ATP13A4: variants seen among roughly 807,000 people sequenced by gnomAD.
ATP13A4 encodes the protein ATPase 13A4, also known as probable cation-transporting ATPase 13A4.
In ATP13A4, 114 loss-of-function variants were observed where a neutral mutation model predicts 142.5. That is an observed-to-expected ratio of 0.80 (90% CI 0.69 to 0.93). The LOEUF (loss-of-function observed/expected upper bound fraction) is 0.93. Among genes scored for constraint, ATP13A4 ranks in the 40% least tolerant of loss-of-function variants. The probability of loss-of-function intolerance (pLI) is 0.00; values close to 1 mark genes in which losing one functional copy is unlikely to be tolerated. For synonymous variants in ATP13A4, 488 were observed against 514.8 expected, an observed-to-expected ratio of 0.95 and a Z score of 0.70; for missense variants, 1,392 against 1,454.0, an observed-to-expected ratio of 0.96 and a Z score of 0.69.
At chr3:193,449,746 TC>T (rs1717161149) in intron 17 of ATP13A4, among the ~76,000 whole-genome samples, 2 of 152,252 alleles carry the variant, frequency 1.3e-5, no homozygotes, top group Non-Finnish European at 2.9e-5. Context: ...GGTTGTAATT[TC>T]CCCATGATCT....
Position 193,464,975 on chromosome 3 carries a change from C to T in ATP13A4, c.1426G>A (p.Val476Ile), listed in dbSNP as rs759539336. The T allele has an allele frequency of 9.9e-6, 16 of 1,614,106 alleles. No homozygotes were observed. Among genetic ancestry groups the T allele is most frequent in the Middle Eastern group, 1.7e-4 (1 of 6,018 alleles). The change falls in exon 12 of 30, where the codon GTA (valine) becomes ATA (isoleucine). Residue 476 changes from valine to isoleucine, a missense_variant. Physicochemically the swap from Val to Ile is conservative, Grantham distance 29. Coordinates refer to ENST00000342695, the MANE Select transcript of ATP13A4 (RefSeq NM_032279.4). Reference sequence around the variant, plus strand: ...CAGACAAGGTTTAACTGTCCACATACGTTGATCCTCTGGGGGCTAATGCAG... The same window carrying T: ...CAGACAAGGTTTAACTGTCCACATATGTTGATCCTCTGGGGGCTAATGCAG... ...IFCISPQRIN[V>I]CGQLNLVCFD...
chr3:193,446,468 C>A (rs1716960751), intron 18 of ATP13A4, among the ~76,000 whole-genome samples: 1 of 152,128 alleles, frequency 6.6e-6, no homozygotes, highest in African/African-American at 2.4e-5. Context: ...CTAATCAATT[C>A]AAAACTTTTT....
At position 193,401,565 on chromosome 3, in the gene ATP13A4, A is replaced by G. The variant is rs1161243563; in HGVS notation, c.*1087T>C. Among the ~76,000 whole-genome samples, 2 of 152,196 alleles carry G rather than the reference A, an allele frequency of 1.3e-5. No individual in the cohort carries two copies. Among genetic ancestry groups the G allele is most frequent in the African/African-American group, 2.4e-5 (1 of 41,458 alleles). On this transcript the variant is annotated 3_prime_UTR_variant, in exon 30 of 30. Transcript: ENST00000342695. ...ATAGGATAAGTTACTGGGGTTAGGA[A>G]AAGTGGGCTGTAGTGGACAGCACTC...
chr3:193,568,415 G>T (rs1410466271), intron 2 of ATP13A4, among the ~76,000 whole-genome samples: 2 of 152,176 alleles, frequency 1.3e-5, no homozygotes, highest in Non-Finnish European at 2.9e-5. Flanking sequence ...TTCCACTTTA[G>T]CCATTATTTC....
chr3:193,475,023 C>T (rs1718886163), intron 8 of ATP13A4, among the ~76,000 whole-genome samples: 1 of 152,066 alleles, frequency 6.6e-6, no homozygotes, highest in South Asian at 2.1e-4. Flanking sequence ...TGCGAGGAAT[C>T]AGTCACTGAC....
chr3:193,433,282 C>T (rs910832645), intron 25 of ATP13A4, among the ~76,000 whole-genome samples: 2 of 152,084 alleles, frequency 1.3e-5, no homozygotes, highest in Non-Finnish European at 2.9e-5. Context: ...ATCTCTGTAC[C>T]TTCCTCTCAT....
chr3:193,572,428 G>A (rs1038437013), intron 2 of ATP13A4, among the ~76,000 whole-genome samples: 16 of 152,126 alleles, frequency 1.1e-4, no homozygotes, highest in Non-Finnish European at 2.2e-4. Flanking sequence ...CAGCAGTCTT[G>A]CCTTTGTTTA....
intron 27 of ATP13A4, 51 bp downstream of exon 27, chr3:193,412,127 G>C (rs540273132): frequency 6.7e-7 from 1 of 1,498,824 alleles, no homozygotes; most frequent in African/African-American, 1.4e-5. Context: ...GGACATGTCT[G>C]TTCCCCTCTC....
At chr3:193,524,783 A>G (rs1002561124) in intron 1 of ATP13A4, among the ~76,000 whole-genome samples, 10 of 152,218 alleles carry the variant, frequency 6.6e-5, no homozygotes, top group African/African-American at 1.4e-4. Context: ...AGTTATTCAA[A>G]TATAAGTTGT....
chr3:193,544,193 T>C (rs545648825), intron 1 of ATP13A4, among the ~76,000 whole-genome samples: 1 of 152,246 alleles, frequency 6.6e-6, no homozygotes, highest in Admixed American at 6.5e-5. Flanking sequence ...TACTTCTAAG[T>C]AAGAAACCAT....
chr3:193,512,750 G>A lies in ATP13A4; in HGVS notation c.234+1948C>T, dbSNP rs181288111. Reference sequence around the variant, plus strand: ...AGTACAGTGCAATGGAAAAGCCCTTGACTAGGAGCCAGGACTCATGGGACT... The same window carrying A: ...AGTACAGTGCAATGGAAAAGCCCTTAACTAGGAGCCAGGACTCATGGGACT... On this transcript the variant is annotated intron_variant, in intron 2 of 29. Transcript: ENST00000342695. Among the ~76,000 whole-genome samples, 149 of 152,276 alleles carry A rather than the reference G, an allele frequency of 9.8e-4. 1 individual carries two copies. The highest frequency in any genetic ancestry group is 4.0e-4 in the Non-Finnish European group (27 of 68,008).
At chr3:193,467,236 T>A in intron 10 of ATP13A4, 80 bp downstream of exon 10, 2 of 1,449,362 alleles carry the variant, frequency 1.4e-6, no homozygotes, top group Non-Finnish European at 1.9e-6. Flanking sequence ...ACAGCTTCTC[T>A]TTACCTAATA....
At chr3:193,464,764 T>C (rs1052113197) in intron 12 of ATP13A4, among the ~76,000 whole-genome samples, 176 bp downstream of exon 12, 1 of 152,154 alleles carries the variant, frequency 6.6e-6, no homozygotes, top group Non-Finnish European at 1.5e-5. Context: ...CCTCTAAACC[T>C]TGGACTCTGC....
chr3:193,520,566 G>C (rs1271756435), intron 1 of ATP13A4, among the ~76,000 whole-genome samples: 1 of 152,172 alleles, frequency 6.6e-6, no homozygotes, highest in Admixed American at 6.5e-5. Context: ...CCAAGGGCCT[G>C]CCCTGGAAGG....
rs67132373 is a variant in ATP13A4, at chr3:193,538,892, C to CTTTT, written c.60+15844_60+15847dup. ...ATTTTTCTTTCTTTCTTGGTTTTTT[C>CTTTT]TTTTTTTTTTTTTTTTTTTGAGATG... On this transcript the variant is annotated intron_variant, in intron 1 of 29. Coordinates refer to ENST00000342695, the MANE Select transcript of ATP13A4 (RefSeq NM_032279.4). Among the ~76,000 whole-genome samples, 359 of 120,840 alleles carry CTTTT rather than the reference C, an allele frequency of 3.0e-3. 4 individuals are homozygous for CTTTT. The highest frequency in any genetic ancestry group is 0.01 in the African/African-American group (341 of 32,974). The allele number at this position is 120,840 out of a possible 152,430, so 79.3% of individuals were successfully genotyped here.
chr3:193,420,663 A>G (rs1418712319), intron 25 of ATP13A4, among the ~76,000 whole-genome samples: 1 of 149,736 alleles, frequency 6.7e-6, no homozygotes, highest in East Asian at 2.1e-4. Context: ...GAAAATTAGG[A>G]GAAGAGTTTA....
At position 193,539,025 on chromosome 3, in the gene ATP13A4, C is replaced by T. The variant is rs192514243; in HGVS notation, c.60+15715G>A. On this transcript the variant is annotated intron_variant, in intron 1 of 29. Coordinates refer to ENST00000342695, the MANE Select transcript of ATP13A4 (RefSeq NM_032279.4). Reference sequence around the variant, plus strand: ...AGTAGCTGGGATTACAGGCATGTGCCACCACGCCCAGCTAATTTTGTATTT... The same window carrying T: ...AGTAGCTGGGATTACAGGCATGTGCTACCACGCCCAGCTAATTTTGTATTT... Among the ~76,000 whole-genome samples the T allele has an allele frequency of 1.5e-3, 235 of 151,926 alleles. 1 individual carries two copies. Among genetic ancestry groups the T allele is most frequent in the African/African-American group, 5.5e-3 (229 of 41,410 alleles).
intron 25 of ATP13A4, among the ~76,000 whole-genome samples, chr3:193,424,466 A>G (rs577810760): frequency 1.7e-4 from 25 of 149,940 alleles, no homozygotes; most frequent in African/African-American, 6.1e-4. Flanking sequence ...ACAGCTTGGT[A>G]TTGGTATAAA....
intron 1 of ATP13A4, among the ~76,000 whole-genome samples, chr3:193,515,112 C>T (rs575253442): frequency 6.6e-6 from 1 of 152,216 alleles, no homozygotes; most frequent in African/African-American, 2.4e-5. Flanking sequence ...ATTTGAGCAC[C>T]TAGATACCCT....
Sources: gnomAD v4.1 joint callset for allele counts (sites outside exome capture counted in the v4.1 genomes callset) on GRCh38, gnomAD v4.1.1 for gene constraint, MANE v1.5 for transcripts, NCBI Gene and HGNC (gene_info 2026-07-23, HGNC 2026-07-21) for gene names.